The following ATP2B1 variants were observed in gnomAD, a reference collection of about 807,000 sequenced individuals.
The protein encoded by ATP2B1 is ATPase plasma membrane Ca2+ transporting 1.
ATP2B1 carries 14 observed loss-of-function variants against 124.2 expected under a neutral mutation model. That is an observed-to-expected ratio of 0.11 (90% CI 0.07 to 0.18). The LOEUF is 0.18. ATP2B1 is among the 10% of genes least tolerant of loss of function. The probability of loss-of-function intolerance (pLI) is 1.00; values close to 1 mark genes in which losing one functional copy is unlikely to be tolerated. For missense variants in ATP2B1, 763 were observed against 1,466.1 expected, an observed-to-expected ratio of 0.52 and a Z score of 7.83; for synonymous variants, 449 against 492.4, an observed-to-expected ratio of 0.91 and a Z score of 1.17.
intron 1 of ATP2B1, among the ~76,000 whole-genome samples, chr12:89,663,507 G>A (rs1244941755): frequency 1.6e-5 from 1 of 63,432 alleles, no homozygotes; most frequent in Non-Finnish European, 3.0e-5. Context: ...AAATCAACAT[G>A]GTAATAAAGT....
At chr12:89,708,249 G>A (rs1341212775) in intron 1 of ATP2B1, among the ~76,000 whole-genome samples, 1 of 152,134 alleles carries the variant, frequency 6.6e-6, no homozygotes, top group Non-Finnish European at 1.5e-5. Flanking sequence ...TGGCGGGATG[G>A]GCTGTGGCGC....
At chr12:89,658,022 C>T (rs1025407554) in intron 1 of ATP2B1, among the ~76,000 whole-genome samples, 3 of 152,290 alleles carry the variant, frequency 2.0e-5, no homozygotes, top group East Asian at 1.9e-4. Context: ...CCTACGCACA[C>T]ATCAATTATA....
At chr12:89,610,749 C>T (rs548667868) in intron 13 of ATP2B1, 12 of 449,140 alleles carry the variant, frequency 2.7e-5, no homozygotes, top group African/African-American at 2.2e-4. Flanking sequence ...GATGCATACT[C>T]AAGTTTAAAA....
intron 20 of ATP2B1, among the ~76,000 whole-genome samples, chr12:89,592,448 T>A (rs988121352): frequency 6.6e-6 from 1 of 152,058 alleles, no homozygotes; most frequent in African/African-American, 2.4e-5. Flanking sequence ...CAAATGAACA[T>A]GTGAATGTGT....
chr12:89,705,891 G>T (rs1396869020), intron 1 of ATP2B1, among the ~76,000 whole-genome samples: 1 of 152,128 alleles, frequency 6.6e-6, no homozygotes, highest in East Asian at 1.9e-4. Flanking sequence ...TGCAAGTGTT[G>T]AATGAAACCT....
intron 1 of ATP2B1, among the ~76,000 whole-genome samples, chr12:89,695,203 A>G (rs551159924): frequency 6.2e-4 from 94 of 152,288 alleles, no homozygotes; most frequent in Non-Finnish European, 1.1e-3. Flanking sequence ...CCTATTCATT[A>G]TAGAAGAGAT....
At chr12:89,674,253 C>G (rs894871573) in intron 1 of ATP2B1, among the ~76,000 whole-genome samples, 2 of 150,856 alleles carry the variant, frequency 1.3e-5, no homozygotes, top group African/African-American at 4.9e-5. Context: ...CTGGTTGATT[C>G]TTTTTTTAAC....
chr12:89,704,435 T>A (rs1446417601), intron 1 of ATP2B1, among the ~76,000 whole-genome samples: 1 of 152,144 alleles, frequency 6.6e-6, no homozygotes, highest in Non-Finnish European at 1.5e-5. Context: ...TATTTCTCTA[T>A]TAAATTTACT....
intron 2 of ATP2B1, among the ~76,000 whole-genome samples, chr12:89,650,858 T>C (rs1885153484): frequency 6.6e-6 from 1 of 152,154 alleles, no homozygotes. Flanking sequence ...TCAAGGAATG[T>C]GATTCAGAAT....
chr12:89,600,815 A>G (rs747002865), intron 19 of ATP2B1, among the ~76,000 whole-genome samples: 7 of 151,862 alleles, frequency 4.6e-5, no homozygotes, highest in Non-Finnish European at 1.0e-4. Flanking sequence ...TGCCCAGCTA[A>G]TTTTTATACT....
chr12:89,679,804 T>G (rs991626021), intron 1 of ATP2B1, among the ~76,000 whole-genome samples: 2 of 152,056 alleles, frequency 1.3e-5, no homozygotes, highest in Non-Finnish European at 2.9e-5. Flanking sequence ...GACAAAATAC[T>G]AAATACTAGA....
rs1033577592 is a variant in ATP2B1 at position 89,604,157 on chromosome 12, G to C, written c.2632C>G (p.Gln878Glu). ...IVAFTGACIT[Q>E]DSPLKAVQML... ...TTGATAGACAAGTCATCACCTACTT[G>C]AGTAATGCAGGCGCCCGTAAAAGCA... Residue 878 changes from glutamine (Q) to glutamate (E), a missense_variant and splice_region_variant, in exon 16 of 21, where the codon CAA becomes GAA. Gln to Glu is a conservative substitution (Grantham distance 29). This residue lies in a region of ATP2B1 where 51 missense variants were observed against 192.8 expected (regional missense o/e 0.26). Coordinates refer to ENST00000428670, the MANE Select transcript of ATP2B1 (RefSeq NM_001366521.1). 10 of 1,613,038 alleles carry C rather than the reference G, an allele frequency of 6.2e-6. No homozygotes were observed. The highest frequency in any genetic ancestry group is 8.5e-6 in the Non-Finnish European group (10 of 1,179,796).
At chr12:89,693,323 G>A (rs1890748362) in intron 1 of ATP2B1, among the ~76,000 whole-genome samples, 1 of 152,164 alleles carries the variant, frequency 6.6e-6, no homozygotes, top group Non-Finnish European at 1.5e-5. Flanking sequence ...GCTATGATAC[G>A]AAGTAACCAT....
Position 89,603,431 on chromosome 12 carries a change from A to G in ATP2B1, c.2849-177T>C. The G allele has an allele frequency of 1.5e-6, 1 of 657,408 alleles. No homozygotes were observed. The highest frequency in any genetic ancestry group is 2.1e-5 in the South Asian group (1 of 48,116). 40.7% of individuals were successfully genotyped at this position (657,408 alleles called of 1,614,324 possible). A position where few individuals can be genotyped will look rare whatever the true frequency, so the allele number is the denominator to read the frequency against. ...TCTTGTTTTATAGGCAAGGAAACAGAAGCTCCCAAAACTATGGTGATAATC... is the reference window on the plus strand; with the variant it reads ...TCTTGTTTTATAGGCAAGGAAACAGGAGCTCCCAAAACTATGGTGATAATC... On this transcript the variant is annotated intron_variant, in intron 17 of 20. Coordinates refer to ENST00000428670, the MANE Select transcript of ATP2B1 (RefSeq NM_001366521.1). This position sits in a 1 kb window ranked among gnomAD's most constrained non-coding sequence, Gnocchi z 4.3.
Position 89,598,785 on chromosome 12 carries a change from A to C in ATP2B1, c.3351+332T>G, listed in dbSNP as rs1253134498. 3 of 1,608,792 alleles carry C rather than the reference A, an allele frequency of 1.9e-6. No individual in the cohort carries two copies. The Admixed American group carries it at 5.0e-5, about 27-fold the overall frequency. Reference sequence around the variant, plus strand: ...ATTGTGACAGCTTGCTCAGCAAGAGAGAGAGAGAACAAGAGAAAGGACCAT... The same window carrying C: ...ATTGTGACAGCTTGCTCAGCAAGAGCGAGAGAGAACAAGAGAAAGGACCAT... On this transcript the variant is annotated intron_variant, in intron 20 of 20. Transcript: ENST00000428670.
intron 6 of ATP2B1, among the ~76,000 whole-genome samples, chr12:89,629,089 CAG>C (rs1881418666): frequency 1.3e-5 from 2 of 152,198 alleles, no homozygotes; most frequent in East Asian, 1.9e-4. Context: ...GTATAAGACT[CAG>C]GGGGAAAAGA....
At chr12:89,689,339 A>T (rs1341501491) in intron 1 of ATP2B1, among the ~76,000 whole-genome samples, 1 of 152,142 alleles carries the variant, frequency 6.6e-6, no homozygotes, top group Admixed American at 6.6e-5. Flanking sequence ...AGTGTCATAA[A>T]TTAACAGTTT....
At position 89,642,140 on chromosome 12, in the gene ATP2B1, T is replaced by C. The variant is rs138969798; in HGVS notation, c.406+18A>G. ...TGAACTAGCATCAGACATGTCTTTT[T>C]TCCCCCCATTTACTTACGTGCATTA... On this transcript the variant is annotated intron_variant, in intron 3 of 20. Transcript: ENST00000428670. The C allele has an allele frequency of 1.9e-6, 3 of 1,593,960 alleles. No individual in the cohort carries two copies. The East Asian group carries it at 6.7e-5, about 36-fold the overall frequency.
chr12:89,648,166 T>C (rs1454575738), intron 2 of ATP2B1, among the ~76,000 whole-genome samples: 1 of 152,156 alleles, frequency 6.6e-6, no homozygotes, highest in Non-Finnish European at 1.5e-5. Flanking sequence ...GAAGCGGCTT[T>C]GTAGCTGGGT....
Sources: gnomAD v4.1 joint callset for allele counts (sites outside exome capture counted in the v4.1 genomes callset) on GRCh38, gnomAD v4.1.1 for gene constraint, gnomAD v4.1.1 regional missense constraint, Gnocchi (gnomAD v3.1) non-coding constraint, MANE v1.5 for transcripts, NCBI Gene and HGNC (gene_info 2026-07-23, HGNC 2026-07-21) for gene names.